The following CD80 variants were observed in gnomAD, a reference collection of about 807,000 sequenced individuals.
The protein encoded by CD80 is T-lymphocyte activation antigen CD80.
In CD80, 13 loss-of-function variants were observed where a neutral mutation model predicts 27.1. The observed-to-expected ratio is 0.48, with a 90% CI of 0.31 to 0.76. CD80 has a LOEUF of 0.76. CD80 is among the 30% of genes least tolerant of loss of function. The pLI, the probability that CD80 is intolerant of heterozygous loss-of-function variation, is 0.04. For synonymous variants in CD80, 125 were observed against 125.5 expected, an observed-to-expected ratio of 1.00 and a Z score of 0.03; for missense variants, 277 against 347.9, an observed-to-expected ratio of 0.80 and a Z score of 1.62.
intron 3 of CD80, among the ~76,000 whole-genome samples, chr3:119,542,071 A>C (rs1577110097): frequency 2.4e-5 from 2 of 85,018 alleles, no homozygotes; most frequent in African/African-American, 4.8e-5. Context: ...CCCACCCCCC[A>C]CCCCAGGAAA....
intron 3 of CD80, among the ~76,000 whole-genome samples, chr3:119,544,094 G>T (rs998541778): frequency 6.6e-6 from 1 of 151,912 alleles, no homozygotes; most frequent in Non-Finnish European, 1.5e-5. Context: ...CGCTATGTTG[G>T]CCAGGCTGGT....
intron 2 of CD80, among the ~76,000 whole-genome samples, chr3:119,552,709 A>G (rs2107747738): frequency 6.6e-6 from 1 of 152,118 alleles, no homozygotes; most frequent in Admixed American, 6.5e-5. Context: ...ACAACAGAAT[A>G]TTATTTCAGA....
Position 119,544,625 on chromosome 3 carries a change from C to T in CD80, c.343G>A (p.Glu115Lys), listed in dbSNP as rs772700006. ...TTTTCATACTTCAGAACAACACACT[C>T]GTATGTGCCCTCGTCAGATGGGCGC... is the stretch of plus-strand genomic sequence containing the variant. ...ALRPSDEGTY[E>K]CVVLKYEKDA... is the part of the protein sequence containing the mutation. Residue 115 changes from glutamate to lysine, a missense_variant, in exon 3 of 7, where the codon GAG becomes AAG. By Grantham distance (56) the Glu-to-Lys change is moderately conservative. Coordinates refer to ENST00000264246, the MANE Select transcript of CD80 (RefSeq NM_005191.4). 3 of 1,614,196 alleles carry T rather than the reference C, an allele frequency of 1.9e-6. No homozygotes were observed. The highest frequency in any genetic ancestry group is 2.5e-6 in the Non-Finnish European group (3 of 1,180,028).
At chr3:119,536,695 A>G (rs114116502) in intron 4 of CD80, among the ~76,000 whole-genome samples, 147 of 152,364 alleles carry the variant, frequency 9.6e-4, no homozygotes, top group African/African-American at 3.0e-3. Flanking sequence ...TAAAAACACT[A>G]TAAAACACTA....
At chr3:119,537,479 T>A (rs759252503) in intron 3 of CD80, 61 bp from the exon 4 acceptor site, 5 of 1,149,682 alleles carry the variant, frequency 4.3e-6, no homozygotes, top group Non-Finnish European at 6.2e-6. Context: ...TGTAGAGGTT[T>A]ATTTTTAAAT....
intron 2 of CD80, among the ~76,000 whole-genome samples, chr3:119,548,856 GA>G (rs1307903452): frequency 6.6e-6 from 1 of 152,052 alleles, no homozygotes; most frequent in Non-Finnish European, 1.5e-5. Context: ...TCAACATGGT[GA>G]AACCCCATCT....
intron 2 of CD80, among the ~76,000 whole-genome samples, chr3:119,555,325 G>A (rs2082257972): frequency 6.6e-6 from 1 of 152,092 alleles, no homozygotes; most frequent in Non-Finnish European, 1.5e-5. Flanking sequence ...ATGGATTTGG[G>A]CAAATTTATA....
At position 119,537,239 on chromosome 3, in the gene CD80, C is replaced by T; in HGVS notation, c.598G>A (p.Val200Ile). ...ATATTGAAATCCAGTTTGCTGCTAA[C>T]AGCATAGAGCTCAGTTTCAGGATCT... ...SQDPETELYA[V>I]SSKLDFNMTT... The change falls in exon 4 of 7, where the codon GTT (valine) becomes ATT (isoleucine). Residue 200 changes from valine to isoleucine, a missense_variant. Coordinates refer to ENST00000264246, the MANE Select transcript of CD80 (RefSeq NM_005191.4). 6.2e-7 allele frequency: 1 copy of T among 1,614,108 alleles called. No homozygotes were observed. Among genetic ancestry groups the T allele is most frequent in the Non-Finnish European group, 8.5e-7 (1 of 1,180,002 alleles).
At chr3:119,541,674 C>T (rs1226854099) in intron 3 of CD80, among the ~76,000 whole-genome samples, 1 of 152,220 alleles carries the variant, frequency 6.6e-6, no homozygotes, top group Non-Finnish European at 1.5e-5. Flanking sequence ...GCATTTTTAA[C>T]AAGACCCTCA....
In CD80 at chr3:119,524,547, G is replaced by A. The variant is rs781632056; in HGVS notation, c.*1241C>T. ...GGAGCAAGGTTTGTGAAGCAGCATA[G>A]TGAGGTAGCTAAAGCCATGGGCTGG... On this transcript the variant is annotated 3_prime_UTR_variant, in exon 7 of 7. Transcript: ENST00000264246. The A allele has an allele frequency of 3.9e-5, 6 of 152,366 alleles. No individual in the cohort carries two copies. Among genetic ancestry groups the A allele is most frequent in the Non-Finnish European group, 8.8e-5 (6 of 68,038 alleles). 9.4% of individuals were successfully genotyped at this position (152,366 alleles called of 1,614,324 possible).
chr3:119,556,513 A>C (rs776932968), intron 2 of CD80, among the ~76,000 whole-genome samples: 96 of 123,742 alleles, frequency 7.8e-4, no homozygotes, highest in Middle Eastern at 7.4e-3. Flanking sequence ...TAACTGTCAA[A>C]TATATAAAAA....
intron 3 of CD80, among the ~76,000 whole-genome samples, chr3:119,543,717 C>T (rs780658891): frequency 6.6e-6 from 1 of 151,446 alleles, no homozygotes; most frequent in Non-Finnish European, 1.5e-5. Context: ...TGAGCCACCG[C>T]ACCTGGCCCA....
intron 2 of CD80, among the ~76,000 whole-genome samples, chr3:119,552,202 C>T (rs192870755): frequency 2.3e-4 from 35 of 152,264 alleles, no homozygotes; most frequent in African/African-American, 6.7e-4. Context: ...AATAATGGAC[C>T]TCTCGGCCGG....
chr3:119,537,878 A>G (rs2082147881), intron 3 of CD80, among the ~76,000 whole-genome samples: 1 of 152,262 alleles, frequency 6.6e-6, no homozygotes, highest in African/African-American at 2.4e-5. Context: ...ATAGTTATGT[A>G]TAATCCAAAG....
At chr3:119,534,759 A>C (rs889148467) in intron 4 of CD80, among the ~76,000 whole-genome samples, 1 of 152,242 alleles carries the variant, frequency 6.6e-6, no homozygotes, top group African/African-American at 2.4e-5. Flanking sequence ...ATATGATTGA[A>C]GCCTCATTTT....
At chr3:119,543,234 G>A (rs914504731) in intron 3 of CD80, among the ~76,000 whole-genome samples, 20 of 152,176 alleles carry the variant, frequency 1.3e-4, no homozygotes, top group African/African-American at 4.1e-4. Flanking sequence ...CTCTATCTAC[G>A]CAGCAGGCGA....
chr3:119,527,887 T>C (rs776676186), intron 5 of CD80, 46 bp from the exon 6 acceptor site: 1 of 1,511,858 alleles, frequency 6.6e-7, no homozygotes, highest in Non-Finnish European at 9.2e-7. Flanking sequence ...AAGTTTCCCT[T>C]GAATTGTGCC....
intron 5 of CD80, among the ~76,000 whole-genome samples, chr3:119,528,837 A>G (rs1490237565): frequency 4.1e-5 from 2 of 49,054 alleles, no homozygotes; most frequent in African/African-American, 1.7e-4. Context: ...GAGGCCGGAT[A>G]ATTGCTTGAA....
chr3:119,554,974 T>C (rs112142987), intron 2 of CD80, among the ~76,000 whole-genome samples: 7 of 152,360 alleles, frequency 4.6e-5, no homozygotes, highest in African/African-American at 1.7e-4. Flanking sequence ...TTTAAAGTTA[T>C]TTACACCTTT....
Sources: allele counts gnomAD v4.1 joint callset (sites outside exome capture counted in the v4.1 genomes callset), GRCh38; gene constraint gnomAD v4.1.1; transcripts MANE v1.5; gene names NCBI Gene and HGNC (gene_info 2026-07-23, HGNC 2026-07-21).